CSMD3: variants seen among roughly 807,000 people sequenced by gnomAD.
CSMD3 encodes the protein CUB and Sushi multiple domains 3.
Under a neutral mutation model 435.2 loss-of-function variants are expected in CSMD3, and 177 were observed. The observed-to-expected ratio is 0.41, with a 90% CI of 0.36 to 0.46. The LOEUF (loss-of-function observed/expected upper bound fraction) is 0.46, where lower values mean the gene tolerates loss of function less well. CSMD3 is among the 20% of genes least tolerant of loss of function. The probability of loss-of-function intolerance (pLI) is 0.34; values close to 1 mark genes in which losing one functional copy is unlikely to be tolerated. For missense variants in CSMD3, 4,265 were observed against 4,504.6 expected (o/e 0.95, Z 1.52); for synonymous variants, 1,656 against 1,520.5 (o/e 1.09, Z -2.07).
In CSMD3 at chr8:112,390,737, C is replaced by A. The variant is rs755529409; in HGVS notation, c.5861G>T (p.Gly1954Val). The A allele has an allele frequency of 1.9e-6, 3 of 1,612,706 alleles. No homozygotes were observed. The highest frequency in any genetic ancestry group is 2.5e-6 in the Non-Finnish European group (3 of 1,178,868). The change falls in exon 36 of 71, where the codon GGA becomes GTA. Residue 1954 changes from glycine to valine, a missense_variant. Around this residue, in one of 3 missense-constraint regions of CSMD3, gnomAD observed 3,255 missense variants for 3,380.2 expected, o/e 0.96. Transcript: ENST00000297405. ...ATTGTTGTCATAAGGCTCAGGGTAT[C>A]CAGGTGACAAAATAGTCCCTTTGCG... ...TKRKGTILSP[G>V]YPEPYDNNLN...
At chr8:112,451,380 G>T (rs1031428) in intron 32 of CSMD3, among the ~76,000 whole-genome samples, 1 of 151,854 alleles carries the variant, frequency 6.6e-6, no homozygotes, top group South Asian at 2.1e-4. Context: ...TGAAAAAAAA[G>T]AAAAAATAAT....
Position 112,304,808 on chromosome 8 carries a change from G to T in CSMD3, c.8179C>A (p.Pro2727Thr), listed in dbSNP as rs1238418857. Residue 2727 changes from proline (P) to threonine (T), a missense_variant, in exon 52 of 71, where the codon CCT (proline) becomes ACT (threonine). By Grantham distance (38) the Pro-to-Thr change is conservative (BLOSUM62 -1). Coordinates refer to ENST00000297405, the MANE Select transcript of CSMD3 (RefSeq NM_198123.2). ...GCAGGACCTAGTCCATGATAACCAG[G>T]GTCACAGCTGAAAACTACTTTGGTT... ...YKTKVVFSCD[P>T]GYHGLGPASI... 1.2e-6 allele frequency: 2 copies of T among 1,613,606 alleles called. No individual in the cohort carries two copies. Among genetic ancestry groups the T allele is most frequent in the South Asian group, 1.1e-5 (1 of 91,082 alleles).
chr8:112,666,285 T>G lies in CSMD3; in HGVS notation c.2808A>C (p.Thr936=). Residue 936 remains threonine, a synonymous_variant, in exon 17 of 71, where the codon ACA becomes ACC. Transcript: ENST00000297405. ...AAAAATATTTGTGAGACCTTTCAAA[T>G]GTAATTTTGATAGAGTGTCCAGGTT... The part of the protein sequence containing the change: ...EAEPGHSIKI[T]FERFQTELNY... 1 of 1,610,032 alleles carries G rather than the reference T, an allele frequency of 6.2e-7. No homozygotes were observed. Among genetic ancestry groups the G allele is most frequent in the South Asian group, 1.1e-5 (1 of 90,840 alleles).
At chr8:112,919,192 T>C (rs1012902580) in intron 10 of CSMD3, among the ~76,000 whole-genome samples, 2 of 151,894 alleles carry the variant, frequency 1.3e-5, no homozygotes, top group African/African-American at 4.8e-5. Context: ...GTGCTTTTTT[T>C]ATACTTCCTA....
At chr8:112,817,145 C>G (rs2079396937) in intron 12 of CSMD3, among the ~76,000 whole-genome samples, 1 of 152,056 alleles carries the variant, frequency 6.6e-6, no homozygotes. Flanking sequence ...TGCTTGTTTT[C>G]ATTTAGTTCT....
At chr8:112,490,780 T>A (rs1171433198) in intron 31 of CSMD3, among the ~76,000 whole-genome samples, 1 of 152,144 alleles carries the variant, frequency 6.6e-6, no homozygotes, top group Non-Finnish European at 1.5e-5. Flanking sequence ...ATTAGATTTT[T>A]CTAATTCTAA....
chr8:112,682,862 A>C (rs1166266935), intron 15 of CSMD3, among the ~76,000 whole-genome samples: 2 of 152,010 alleles, frequency 1.3e-5, no homozygotes, highest in East Asian at 3.9e-4. Context: ...TGTGAATTAC[A>C]CTCTAAAATT....
intron 24 of CSMD3, 81 bp from the exon 25 acceptor site, chr8:112,557,035 T>C (rs1433801452): frequency 2.3e-6 from 2 of 875,176 alleles, no homozygotes; most frequent in African/African-American, 1.7e-5. Flanking sequence ...TTTCCTTTAC[T>C]ATTTTTGATG....
rs146959809 is a variant in CSMD3 at position 112,984,431 on chromosome 8, C to A, written c.1031-8283G>T. On this transcript the variant is annotated intron_variant, in intron 6 of 70. Transcript: ENST00000297405. The stretch of plus-strand genomic sequence containing the variant: ...GCAACAGATGATGTTAAAATTTAGC[C>A]ATAAAATGTAACTATCTGATCAATA... Among the ~76,000 whole-genome samples the A allele has an allele frequency of 2.8e-4, 42 of 152,074 alleles. No individual in the cohort carries two copies. The East Asian group carries it at 7.6e-3, about 27-fold the overall frequency.
At chr8:112,885,014 C>T (rs944379153) in intron 10 of CSMD3, among the ~76,000 whole-genome samples, 1 of 151,606 alleles carries the variant, frequency 6.6e-6, no homozygotes, top group African/African-American at 2.4e-5. Flanking sequence ...CTCTAAGGGT[C>T]CCTCCCCTGT....
chr8:112,315,958 C>T (rs1055706984), intron 47 of CSMD3, among the ~76,000 whole-genome samples: 7 of 151,694 alleles, frequency 4.6e-5, no homozygotes, highest in Admixed American at 2.0e-4. Context: ...AGATGAAGAA[C>T]TTATATATTC....
At chr8:112,510,438 T>C (rs1822991477) in intron 28 of CSMD3, among the ~76,000 whole-genome samples, 1 of 152,188 alleles carries the variant, frequency 6.6e-6, no homozygotes, top group African/African-American at 2.4e-5. Context: ...ACTTTACTCA[T>C]TTTGTTTCTT....
chr8:112,239,179 T>C (rs11997768), intron 66 of CSMD3, among the ~76,000 whole-genome samples: 2,689 of 152,134 alleles, frequency 0.018, 80 homozygotes, highest in African/African-American at 0.061. Context: ...CCTTTCTTTG[T>C]GTATAAATTT....
At chr8:112,360,483 A>T (rs1827081818) in intron 38 of CSMD3, among the ~76,000 whole-genome samples, 1 of 151,970 alleles carries the variant, frequency 6.6e-6, no homozygotes, top group African/African-American at 2.4e-5. Flanking sequence ...AGGTAAAAGC[A>T]ATTTTGTAAG....
intron 10 of CSMD3, among the ~76,000 whole-genome samples, chr8:112,870,273 T>TG (rs1157361889): frequency 9.5e-6 from 1 of 104,750 alleles, no homozygotes; most frequent in Non-Finnish European, 2.3e-5. Flanking sequence ...AGAATGGCTA[T>TG]TTTTTTTTTT....
chr8:112,347,884 G>A (rs1330810870), intron 40 of CSMD3, among the ~76,000 whole-genome samples: 1 of 152,154 alleles, frequency 6.6e-6, no homozygotes, highest in East Asian at 1.9e-4. Flanking sequence ...TAAAAGGCAA[G>A]GACTATCTTT....
chr8:112,340,631 C>T (rs1443797633), intron 42 of CSMD3, among the ~76,000 whole-genome samples: 1 of 151,888 alleles, frequency 6.6e-6, no homozygotes, highest in Non-Finnish European at 1.5e-5. Context: ...AAATTTCAGC[C>T]ATTAGAAATA....
intron 3 of CSMD3, among the ~76,000 whole-genome samples, chr8:113,261,817 A>G (rs1486634275): frequency 3.9e-5 from 6 of 152,114 alleles, no homozygotes; most frequent in Non-Finnish European, 7.4e-5. Flanking sequence ...CATATTCATT[A>G]TATTTAAACT....
chr8:112,229,521 C>T (rs1034861395), intron 69 of CSMD3, among the ~76,000 whole-genome samples: 2 of 152,068 alleles, frequency 1.3e-5, no homozygotes, highest in Non-Finnish European at 2.9e-5. Context: ...CTCCACCTCC[C>T]CGGCTCAAGC....
Sources: allele counts gnomAD v4.1 joint callset (sites outside exome capture counted in the v4.1 genomes callset), GRCh38; gene constraint gnomAD v4.1.1; regional missense constraint gnomAD v4.1.1; transcripts MANE v1.5; gene names NCBI Gene and HGNC (gene_info 2026-07-23, HGNC 2026-07-21).